Variants in DLG4 observed in about 807,000 individuals in gnomAD.
The protein encoded by DLG4 is discs large MAGUK scaffold protein 4, also known as disks large homolog 4.
Under a neutral mutation model 93.8 loss-of-function variants are expected in DLG4, and 7 were observed. The ratio of observed to expected loss-of-function variants is 0.07; its 90% CI spans 0.04 to 0.14. The LOEUF (loss-of-function observed/expected upper bound fraction) is 0.14, where lower values mean the gene tolerates loss of function less well. Among genes scored for constraint, DLG4 ranks in the 10% least tolerant of loss-of-function variants. The pLI, the probability that DLG4 is intolerant of heterozygous loss-of-function variation, is 1.00. For missense variants in DLG4, 545 were observed against 992.9 expected (o/e 0.55, Z 6.06); for synonymous variants, 341 against 387.6 (o/e 0.88, Z 1.41).
chr17:7,209,633 G>A (rs1349050325), intron 1 of DLG4, among the ~76,000 whole-genome samples: 1 of 152,110 alleles, frequency 6.6e-6, no homozygotes, highest in Admixed American at 6.5e-5. Context: ...AGCCAGGCAT[G>A]GTGGTGCACA....
chr17:7,194,695 GCA>G lies in DLG4; in HGVS notation c.1302-202_1302-201del, dbSNP rs1205112110. 2.6e-5 allele frequency among the ~76,000 whole-genome samples: 4 copies of G among 152,212 alleles called. No individual in the cohort carries two copies. The highest frequency in any genetic ancestry group is 7.2e-5 in the African/African-American group (3 of 41,456). ...TTAGCCATCACTCAGTCCACACTGA[GCA>G]CAGTTTCCAGAGGCAGGGCTTGAAC... On this transcript the variant is annotated intron_variant, in intron 11 of 19. Transcript: ENST00000399506. This position sits in a 1 kb window ranked among gnomAD's most constrained non-coding sequence, Gnocchi z 4.4.
upstream of DLG4, chr17:7,218,357 C>T: frequency 1.3e-6 from 2 of 1,503,138 alleles, no homozygotes; most frequent in Non-Finnish European, 1.8e-6. Context: ...ATCACCGCTG[C>T]TGGCTGGCTG....
At chr17:7,213,844 C>G in intron 1 of DLG4, 1 of 471,084 alleles carries the variant, frequency 2.1e-6, no homozygotes, top group Non-Finnish European at 4.4e-6. Context: ...TTACATGCGC[C>G]CCCAAGATGA....
chr17:7,188,531 GCA>G lies in DLG4; in HGVS notation c.*2175_*2176del, dbSNP rs2069354900. ...CATCTGTGCCAAACACATGAAGAAGGCAGAAGGCTGAGAGTCACCATTCTACA... is the reference window on the plus strand; with the variant it reads ...CATCTGTGCCAAACACATGAAGAAGGGAAGGCTGAGAGTCACCATTCTACA... On this transcript the variant is annotated 3_prime_UTR_variant, in exon 20 of 20. Transcript: ENST00000399506. Among the ~76,000 whole-genome samples the G allele has an allele frequency of 6.6e-6, 1 of 152,146 alleles. No individual in the cohort carries two copies. The highest frequency in any genetic ancestry group is 6.5e-5 in the Admixed American group (1 of 15,276).
At position 7,193,788 on chromosome 17, in the gene DLG4, T is replaced by C; in HGVS notation, c.1543+56A>G. 1 of 1,611,780 alleles carries C rather than the reference T, an allele frequency of 6.2e-7. No homozygotes were observed. Among genetic ancestry groups the C allele is most frequent in the Non-Finnish European group, 8.5e-7 (1 of 1,178,994 alleles). On this transcript the variant is annotated intron_variant, in intron 14 of 19. Transcript: ENST00000399506. The surrounding 1 kb of genome is among the most constrained non-coding windows in gnomAD (Gnocchi z 6.7). Reference sequence around the variant, plus strand: ...GAGCCCTGTCTCCCCCTTGAGGATATCAAAAGCAACTCAGTGCTCCTCTCA... The same window carrying C: ...GAGCCCTGTCTCCCCCTTGAGGATACCAAAAGCAACTCAGTGCTCCTCTCA...
chr17:7,202,633 G>T lies in DLG4; in HGVS notation c.787+270C>A, dbSNP rs550608873. 16 of 527,916 alleles carry T rather than the reference G, an allele frequency of 3.0e-5. No individual in the cohort carries two copies. In the South Asian group the frequency reaches 4.3e-4, roughly 14 times the overall value. 32.7% of individuals were successfully genotyped at this position (527,916 alleles called of 1,614,324 possible). A position where few individuals can be genotyped will look rare whatever the true frequency, so the allele number is the denominator to read the frequency against. On this transcript the variant is annotated intron_variant, in intron 8 of 19. Coordinates refer to ENST00000399506, the MANE Select transcript of DLG4 (RefSeq NM_001321075.3). ...TTTCCTGTACTCTGGAAGAGCAGAA[G>T]AATTATCTATTCCTTGAGAATTTCA...
chr17:7,219,059 C>T (rs1056420674), upstream of DLG4: 14 of 616,796 alleles, frequency 2.3e-5, no homozygotes, highest in Non-Finnish European at 4.0e-5. Flanking sequence ...CCTAGCCACG[C>T]TCTCCTGAGA....
chr17:7,213,731 CT>C, intron 1 of DLG4: 1 of 469,788 alleles, frequency 2.1e-6, no homozygotes, highest in Admixed American at 2.4e-5. Flanking sequence ...AGTGAGGGGT[CT>C]CCTCAAATCG....
In DLG4 at chr17:7,208,266, G is replaced by GGGGCCAGCCCGGTGCCTC; in HGVS notation, c.31-45_31-28dup. The GGGGCCAGCCCGGTGCCTC allele has an allele frequency of 7.6e-7, 1 of 1,311,050 alleles. No homozygotes were observed. Among genetic ancestry groups the GGGGCCAGCCCGGTGCCTC allele is most frequent in the East Asian group, 2.8e-5 (1 of 35,650 alleles). The allele number at this position is 1,311,050 out of a possible 1,614,324, so 81.2% of individuals were successfully genotyped here. A position where few individuals can be genotyped will look rare whatever the true frequency, so the allele number is the denominator to read the frequency against. Reference sequence around the variant, plus strand: ...TGGGGATGGGGACGGAGGTGTCACTGGGGCCAGCCCGGTGCCTCAGGCTCC... The same window carrying GGGGCCAGCCCGGTGCCTC: ...TGGGGATGGGGACGGAGGTGTCACTGGGGCCAGCCCGGTGCCTCGGGCCAGCCCGGTGCCTCAGGCTCC... On this transcript the variant is annotated intron_variant, in intron 1 of 19. Transcript: ENST00000399506. The surrounding 1 kb of genome is among the most constrained non-coding windows in gnomAD (Gnocchi z 5.4).
At position 7,203,115 on chromosome 17, in the gene DLG4, G is replaced by C; in HGVS notation, c.643-68C>G. ...CCCAAGACAGAAGCACTGGGGTGAA[G>C]TGATGAACTTGGGCCTGCCAGGGCT... On this transcript the variant is annotated intron_variant, in intron 7 of 19. Coordinates refer to ENST00000399506, the MANE Select transcript of DLG4 (RefSeq NM_001321075.3). This position sits in a 1 kb window ranked among gnomAD's most constrained non-coding sequence, Gnocchi z 7.2. 1 of 1,573,690 alleles carries C rather than the reference G, an allele frequency of 6.4e-7. No individual in the cohort carries two copies. The highest frequency in any genetic ancestry group is 1.7e-5 in the Admixed American group (1 of 58,530).
At position 7,195,634 on chromosome 17, in the gene DLG4, G is replaced by A. The variant is rs1187962582; in HGVS notation, c.1301+586C>T. ...TAGGTCAGCCAGGGCCAGCACCTCC[G>A]AGAGACATCTGCAGAGCGCAGCGGC... is the stretch of plus-strand genomic sequence containing the variant. On this transcript the variant is annotated intron_variant, in intron 11 of 19. Transcript: ENST00000399506. The surrounding 1 kb of genome is among the most constrained non-coding windows in gnomAD (Gnocchi z 4.3). Among the ~76,000 whole-genome samples the A allele has an allele frequency of 6.6e-6, 1 of 152,182 alleles. No individual in the cohort carries two copies. Among genetic ancestry groups the A allele is most frequent in the Non-Finnish European group, 1.5e-5 (1 of 68,030 alleles).
intron 8 of DLG4, among the ~76,000 whole-genome samples, chr17:7,198,451 C>T (rs999801710): frequency 1.4e-5 from 2 of 147,894 alleles, no homozygotes; most frequent in Admixed American, 1.4e-4. Context: ...CCACTGCACT[C>T]CAGCCTGGGT....
At position 7,196,643 on chromosome 17, in the gene DLG4, G is replaced by A; in HGVS notation, c.1084-68C>T. The A allele has an allele frequency of 6.3e-7, 1 of 1,598,264 alleles. No individual in the cohort carries two copies. Among genetic ancestry groups the A allele is most frequent in the East Asian group, 2.2e-5 (1 of 44,576 alleles). On this transcript the variant is annotated intron_variant, in intron 9 of 19. Transcript: ENST00000399506. This position sits in a 1 kb window ranked among gnomAD's most constrained non-coding sequence, Gnocchi z 8.3. Reference sequence around the variant, plus strand: ...AGCACTTCTGGGTCCAGGTGGAGCAGGGAGTGGTCCCGCAAGAGGACTCGG... The same window carrying A: ...AGCACTTCTGGGTCCAGGTGGAGCAAGGAGTGGTCCCGCAAGAGGACTCGG...
chr17:7,217,414 G>A lies in DLG4; in HGVS notation c.-267C>T, dbSNP rs1344718322. 2 of 462,416 alleles carry A rather than the reference G, an allele frequency of 4.3e-6. No individual in the cohort carries two copies. Among genetic ancestry groups the A allele is most frequent in the Non-Finnish European group, 7.1e-6 (2 of 279,762 alleles). The allele number at this position is 462,416 out of a possible 1,614,324, so 28.6% of individuals were successfully genotyped here. A position where few individuals can be genotyped will look rare whatever the true frequency, so the allele number is the denominator to read the frequency against. On this transcript the variant is annotated 5_prime_UTR_variant, in exon 1 of 20. Transcript: ENST00000399506. ...GCACACCCCGATTCTCAGGAGGGGC[G>A]GGGGCACCGGGGGCTGGCAGCCCCG...
intron 2 of DLG4, 21 bp from the exon 3 acceptor site, chr17:7,204,273 CA>C: frequency 6.4e-7 from 1 of 1,565,502 alleles, no homozygotes; most frequent in Non-Finnish European, 8.7e-7. Context: ...AAACAAGAGA[CA>C]AAAAGCAGCC....
chr17:7,209,518 C>A (rs750228007), intron 1 of DLG4, among the ~76,000 whole-genome samples: 6 of 152,208 alleles, frequency 3.9e-5, no homozygotes, highest in Non-Finnish European at 8.8e-5. Context: ...GCAATCCCAG[C>A]ACTTTGGGAG....
At chr17:7,219,982 G>C (rs746782036), upstream of DLG4, 6 of 1,602,156 alleles carry the variant, frequency 3.7e-6, no homozygotes, top group Non-Finnish European at 5.1e-6. Context: ...GAGAGATTCG[G>C]AGATGCAGGC....
Position 7,217,553 on chromosome 17 carries a change from G to GCCCT in DLG4, c.-407_-406insAGGG, listed in dbSNP as rs2070983957. On this transcript the variant is annotated 5_prime_UTR_variant, in exon 1 of 20. Transcript: ENST00000399506. Reference sequence around the variant, plus strand: ...CCAGGGGCTAGGGGCCGTGGCGGGGGAGTGGGGTGGGGGGGTTGGAAACGG... The same window carrying GCCCT: ...CCAGGGGCTAGGGGCCGTGGCGGGGGCCCTAGTGGGGTGGGGGGGTTGGAAACGG... 1.3e-6 allele frequency: 1 copy of GCCCT among 781,834 alleles called. No homozygotes were observed. The highest frequency in any genetic ancestry group is 1.5e-6 in the Non-Finnish European group (1 of 655,646). 48.4% of individuals were successfully genotyped at this position (781,834 alleles called of 1,614,324 possible). A position where few individuals can be genotyped will look rare whatever the true frequency, so the allele number is the denominator to read the frequency against.
At chr17:7,190,887 G>T in intron 19 of DLG4, 73 bp from the exon 20 acceptor site, 1 of 1,274,588 alleles carries the variant, frequency 7.8e-7, no homozygotes, top group Non-Finnish European at 1.1e-6. Context: ...GGTTGCACCA[G>T]CCCAGAGGAA....
Sources: allele counts gnomAD v4.1 joint callset (sites outside exome capture counted in the v4.1 genomes callset), GRCh38; gene constraint gnomAD v4.1.1; non-coding constraint Gnocchi (gnomAD v3.1); transcripts MANE v1.5; gene names NCBI Gene and HGNC (gene_info 2026-07-23, HGNC 2026-07-21).